GRIK4: variants seen among roughly 807,000 people sequenced by gnomAD.
GRIK4 encodes glutamate ionotropic receptor kainate type subunit 4, also known as glutamate receptor ionotropic, kainate 4.
A neutral mutation model predicts 104.9 loss-of-function variants in GRIK4; 40 were observed. The observed-to-expected ratio is 0.38, with a 90% CI of 0.30 to 0.50. The LOEUF is 0.50. Ranked by LOEUF, GRIK4 falls within the 20% of genes least tolerant of loss-of-function variation. GRIK4 has a pLI of 0.93. For missense variants in GRIK4, 1,047 were observed against 1,308.1 expected, an observed-to-expected ratio of 0.80 and a Z score of 3.08; for synonymous variants, 485 against 524.9, an observed-to-expected ratio of 0.92 and a Z score of 1.04.
chr11:120,679,691 C>A (rs1950159812), intron 3 of GRIK4, among the ~76,000 whole-genome samples: 2 of 152,202 alleles, frequency 1.3e-5, no homozygotes, highest in Middle Eastern at 3.2e-3. Flanking sequence ...TCTAACTGAA[C>A]CTCCCCTGCC....
chr11:120,593,004 G>T (rs1469661597), intron 1 of GRIK4, among the ~76,000 whole-genome samples: 3 of 152,066 alleles, frequency 2.0e-5, no homozygotes, highest in Non-Finnish European at 4.4e-5. Context: ...CCAACATGGC[G>T]AAATCCCGTC....
At chr11:120,575,557 G>C (rs1591706507) in intron 1 of GRIK4, among the ~76,000 whole-genome samples, 1 of 152,124 alleles carries the variant, frequency 6.6e-6, no homozygotes, top group African/African-American at 2.4e-5. Context: ...GTGCTACTTA[G>C]AGTGTGGGTG....
chr11:120,752,762 T>G (rs1386606789), intron 3 of GRIK4, among the ~76,000 whole-genome samples: 1 of 152,214 alleles, frequency 6.6e-6, no homozygotes, highest in Non-Finnish European at 1.5e-5. Flanking sequence ...CTGGCCTTGC[T>G]CCTCTTTGGC....
At chr11:120,588,458 C>A (rs896778390) in intron 1 of GRIK4, among the ~76,000 whole-genome samples, 3 of 152,112 alleles carry the variant, frequency 2.0e-5, no homozygotes, top group African/African-American at 7.2e-5. Context: ...ACCGCAGGCA[C>A]GACACAGGGT....
chr11:120,641,068 A>G (rs1565585767), intron 1 of GRIK4, among the ~76,000 whole-genome samples: 2 of 152,212 alleles, frequency 1.3e-5, no homozygotes, highest in Non-Finnish European at 2.9e-5. Context: ...TTGACTCTAC[A>G]GGCTTTGAAC....
chr11:120,603,165 A>T (rs1349004535), intron 1 of GRIK4, among the ~76,000 whole-genome samples: 1 of 152,248 alleles, frequency 6.6e-6, no homozygotes, highest in East Asian at 1.9e-4. Context: ...ATGTGCAGAC[A>T]TGCTGCTGTT....
rs1565478815 is a variant in GRIK4 at position 120,986,566 on chromosome 11, T to TG, written c.*312dup. 5.2e-5 allele frequency: 18 copies of TG among 347,460 alleles called. No individual in the cohort carries two copies. The East Asian group carries it at 9.5e-4, about 18-fold the overall frequency. 21.5% of individuals were successfully genotyped at this position (347,460 alleles called of 1,614,324 possible). ...TCGCCAAAATAACAAGAGTATAGGG[T>TG]GGGGGGTCCCTACCCAGACCAGTCC... On this transcript the variant is annotated 3_prime_UTR_variant, in exon 21 of 21. Transcript: ENST00000527524.
chr11:120,581,186 A>T (rs1475410201), intron 1 of GRIK4, among the ~76,000 whole-genome samples: 1 of 152,202 alleles, frequency 6.6e-6, no homozygotes. Flanking sequence ...ATTTGCAAAT[A>T]ATTTCTCCCA....
intron 1 of GRIK4, among the ~76,000 whole-genome samples, chr11:120,539,720 C>G (rs1948013331): frequency 6.6e-6 from 1 of 152,170 alleles, no homozygotes; most frequent in Non-Finnish European, 1.5e-5. Context: ...AACAGAGTCA[C>G]CAAACACACA....
chr11:120,590,834 A>G (rs746018767), intron 1 of GRIK4, among the ~76,000 whole-genome samples: 1 of 151,954 alleles, frequency 6.6e-6, no homozygotes, highest in Non-Finnish European at 1.5e-5. Flanking sequence ...TGATTCAGCA[A>G]CCTCTGAGAT....
chr11:120,861,071 G>C (rs1954250013), intron 8 of GRIK4, among the ~76,000 whole-genome samples: 1 of 147,352 alleles, frequency 6.8e-6, no homozygotes, highest in African/African-American at 2.5e-5. Flanking sequence ...GGTAGTGTTA[G>C]GTAGGGTTCA....
chr11:120,586,854 C>T (rs1948672221), intron 1 of GRIK4, among the ~76,000 whole-genome samples: 1 of 152,156 alleles, frequency 6.6e-6, no homozygotes, highest in Admixed American at 6.5e-5. Flanking sequence ...TCAGGCCCTG[C>T]AGTCGCGCTG....
chr11:120,957,905 A>T (rs1468948764), intron 16 of GRIK4, among the ~76,000 whole-genome samples: 1 of 152,184 alleles, frequency 6.6e-6, no homozygotes, highest in Non-Finnish European at 1.5e-5. Context: ...GGTTTCCATT[A>T]TCCCTGATAA....
At chr11:120,527,185 G>A (rs1024166820) in intron 1 of GRIK4, among the ~76,000 whole-genome samples, 6 of 152,330 alleles carry the variant, frequency 3.9e-5, no homozygotes, top group Admixed American at 3.3e-4. Context: ...GGCTTGCCGG[G>A]GCTTTGGCTT....
chr11:120,657,090 C>G (rs1419775751), intron 2 of GRIK4, among the ~76,000 whole-genome samples: 1 of 152,156 alleles, frequency 6.6e-6, no homozygotes, highest in Non-Finnish European at 1.5e-5. Context: ...TATAGCCTAA[C>G]TGGATTATTA....
chr11:120,834,561 T>C (rs1486140858), intron 7 of GRIK4, among the ~76,000 whole-genome samples: 3 of 152,020 alleles, frequency 2.0e-5, no homozygotes, highest in African/African-American at 7.2e-5. Flanking sequence ...CTCCGTACTC[T>C]TCCCTCCAGG....
chr11:120,873,594 A>G (rs1954672719), intron 9 of GRIK4: 1 of 157,754 alleles, frequency 6.3e-6, no homozygotes. Flanking sequence ...AATATTAGGC[A>G]CATTTAGGAA....
At chr11:120,814,382 T>G (rs1952889519) in intron 4 of GRIK4, among the ~76,000 whole-genome samples, 1 of 152,080 alleles carries the variant, frequency 6.6e-6, no homozygotes, top group Non-Finnish European at 1.5e-5. Context: ...GGTGGATCAC[T>G]TGAGGTCAGG....
intron 9 of GRIK4, 94 bp from the exon 10 acceptor site, chr11:120,873,967 CTCTTT>C: frequency 8.9e-7 from 1 of 1,121,636 alleles, no homozygotes; most frequent in Non-Finnish European, 1.3e-6. Flanking sequence ...CTTTTGCTTT[CTCTTT>C]TCTTCCTCCA....
Sources: allele counts gnomAD v4.1 joint callset (sites outside exome capture counted in the v4.1 genomes callset), GRCh38; gene constraint gnomAD v4.1.1; transcripts MANE v1.5; gene names NCBI Gene and HGNC (gene_info 2026-07-23, HGNC 2026-07-21).